The following WDR44 variants were observed in gnomAD, a reference collection of about 807,000 sequenced individuals.
WDR44 encodes WD repeat domain 44, also known as WD repeat-containing protein 44.
A neutral mutation model predicts 65.7 loss-of-function variants in WDR44; 9 were observed. The ratio of observed to expected loss-of-function variants is 0.14; its 90% CI spans 0.08 to 0.24. WDR44 has a LOEUF of 0.24. WDR44 is among the 10% of genes least tolerant of loss of function. The pLI is 1.00. For synonymous variants in WDR44, 220 were observed against 235.2 expected (o/e 0.94, Z 0.59); for missense variants, 425 against 670.9 (o/e 0.63, Z 4.05).
Position 118,449,274 on chromosome X carries a change from AAT to A in WDR44, c.*292_*293del. 6.5e-6 allele frequency: 1 copy of A among 154,328 alleles called. No homozygotes were observed. Among genetic ancestry groups the A allele is most frequent in the Non-Finnish European group, 1.3e-5 (1 of 79,742 alleles). The allele number at this position is 154,328 out of a possible 1,213,427, so 12.7% of individuals were successfully genotyped here. On this transcript the variant is annotated 3_prime_UTR_variant, in exon 20 of 20. Coordinates refer to ENST00000254029, the MANE Select transcript of WDR44 (RefSeq NM_019045.5). The stretch of plus-strand genomic sequence containing the variant: ...ACAAGTTTCTGCATGAAAAGATATT[AAT>A]ATATTAATCACATGTATGTGCCTTT...
intron 5 of WDR44, 83 bp downstream of exon 5, chrX:118,394,268 T>C: frequency 8.7e-7 from 1 of 1,148,086 alleles, no homozygotes; most frequent in East Asian, 3.2e-5. Context: ...TTCTGTATTC[T>C]CCAGGCCAGA....
chrX:118,377,898 T>C (rs185603657), intron 1 of WDR44, among the ~76,000 whole-genome samples: 172 of 109,694 alleles, frequency 1.6e-3, no homozygotes, highest in African/African-American at 5.5e-3. Context: ...TGGATAATTT[T>C]TAAATTATTT....
chrX:118,360,946 G>A (rs188977982), intron 1 of WDR44, among the ~76,000 whole-genome samples: 114 of 111,150 alleles, frequency 1.0e-3, no homozygotes, highest in Middle Eastern at 4.7e-3. Context: ...CTCTTTAGGA[G>A]TCTGTTAGGA....
intron 1 of WDR44, among the ~76,000 whole-genome samples, chrX:118,366,819 C>T (rs1412671746): frequency 1.8e-5 from 2 of 111,792 alleles, no homozygotes; most frequent in Non-Finnish European, 1.9e-5. Context: ...TGGTTTCGGC[C>T]GGGCGCAGTG....
At chrX:118,404,792 C>T (rs1487697796) in intron 9 of WDR44, among the ~76,000 whole-genome samples, 1 of 111,263 alleles carries the variant, frequency 9.0e-6, no homozygotes, top group Non-Finnish European at 1.9e-5. Flanking sequence ...GCTCCACCTC[C>T]CAGGTTCACA....
At chrX:118,438,804 T>TG (rs1173461677) in intron 14 of WDR44, among the ~76,000 whole-genome samples, 1 of 96,566 alleles carries the variant, frequency 1.0e-5, no homozygotes, top group African/African-American at 3.9e-5. Flanking sequence ...CATGTTTTTT[T>TG]TTTTTTTTTT....
In WDR44 at chrX:118,346,393, C is replaced by G; in HGVS notation, c.-111C>G. 1.5e-6 allele frequency: 1 copy of G among 661,782 alleles called. No homozygotes were observed. The highest frequency in any genetic ancestry group is 2.4e-5 in the Admixed American group (1 of 42,168). 54.5% of individuals were successfully genotyped at this position (661,782 alleles called of 1,213,427 possible). On this transcript the variant is annotated 5_prime_UTR_variant, in exon 1 of 20. Transcript: ENST00000254029. The stretch of plus-strand genomic sequence containing the variant: ...CAGATCGTCTGCTCCCTCAGCCTCG[C>G]CCGAGACCCACTTCCCCAGTCTCGC...
At chrX:118,381,578 T>TC (rs1408631513) in intron 2 of WDR44, among the ~76,000 whole-genome samples, 1 of 51,558 alleles carries the variant, frequency 1.9e-5, no homozygotes, top group African/African-American at 1.4e-4. Context: ...TCTTTCTTCT[T>TC]TTTTTTTTTT....
chrX:118,429,943 G>A (rs991709306), intron 12 of WDR44, among the ~76,000 whole-genome samples: 1 of 110,590 alleles, frequency 9.0e-6, no homozygotes, highest in Non-Finnish European at 1.9e-5. Context: ...ACGCCTGGCC[G>A]AATTACTGTT....
intron 12 of WDR44, among the ~76,000 whole-genome samples, 157 bp downstream of exon 12, chrX:118,411,116 A>AT (rs952983359): frequency 2.7e-5 from 3 of 111,364 alleles, no homozygotes; most frequent in Non-Finnish European, 5.7e-5. Flanking sequence ...ATTAGAAGAA[A>AT]TTAGCAAATG....
rs2056347373 is a variant in WDR44, at chrX:118,346,183, G to C, written c.-321G>C. On this transcript the variant is annotated 5_prime_UTR_variant, in exon 1 of 20. Coordinates refer to ENST00000254029, the MANE Select transcript of WDR44 (RefSeq NM_019045.5). ...AGAAACTGGAGCCGCTGTAGCCGGC[G>C]CGCCCTTCTTCCCTTACTGCGAGGA... 2 of 303,592 alleles carry C rather than the reference G, an allele frequency of 6.6e-6. No individual in the cohort carries two copies. Among genetic ancestry groups the C allele is most frequent in the Non-Finnish European group, 1.2e-5 (2 of 173,787 alleles). 25.0% of individuals were successfully genotyped at this position (303,592 alleles called of 1,213,427 possible). A position where few individuals can be genotyped will look rare whatever the true frequency, so the allele number is the denominator to read the frequency against.
intron 13 of WDR44, among the ~76,000 whole-genome samples, chrX:118,436,158 T>C (rs2086162653): frequency 8.9e-6 from 1 of 112,258 alleles, no homozygotes; most frequent in Admixed American, 9.5e-5. Flanking sequence ...TGTGATCTAT[T>C]CTGAAAGATT....
At chrX:118,438,797 GTTT>G (rs1213083479) in intron 14 of WDR44, among the ~76,000 whole-genome samples, 4 of 64,070 alleles carry the variant, frequency 6.2e-5, no homozygotes, top group African/African-American at 1.7e-4. Context: ...GTTCAGCCAT[GTTT>G]TTTTTTTTTT....
rs10570740 is a variant in WDR44 at position 118,447,875 on chromosome X, AATATATATATATATAT to A, written c.2648-994_2648-979del. On this transcript the variant is annotated intron_variant, in intron 19 of 19. Transcript: ENST00000254029. ...TGCAACAGAGTGAGACTCTATCTAA[AATATATATATATATAT>A]ATATATATATATATATATATATACT... Among the ~76,000 whole-genome samples the A allele has an allele frequency of 1.7e-3, 92 of 54,787 alleles. 2 individuals are homozygous for A. Among genetic ancestry groups the A allele is most frequent in the Non-Finnish European group, 2.6e-3 (76 of 29,132 alleles). The allele number at this position is 54,787 out of a possible 115,157, so 47.6% of individuals were successfully genotyped here.
chrX:118,393,993 G>A, intron 4 of WDR44, 62 bp from the exon 5 acceptor site: 1 of 1,048,195 alleles, frequency 9.5e-7, no homozygotes, highest in African/African-American at 2.1e-5. Context: ...TTTCCTCACA[G>A]GGTTGTTACA....
At chrX:118,365,461 C>T (rs1414268285) in intron 1 of WDR44, among the ~76,000 whole-genome samples, 2 of 109,283 alleles carry the variant, frequency 1.8e-5, no homozygotes, top group Admixed American at 9.9e-5. Context: ...GAACCATGAT[C>T]GTGCCACTGC....
intron 12 of WDR44, among the ~76,000 whole-genome samples, chrX:118,424,327 A>ATGTATATATATG (rs2057136406): frequency 1.3e-5 from 1 of 77,968 alleles, no homozygotes; most frequent in Non-Finnish European, 2.1e-5. Context: ...GTGTGTGTAT[A>ATGTATATATATG]TATATATATA....
At chrX:118,440,399 G>A (rs974738993) in intron 14 of WDR44, among the ~76,000 whole-genome samples, 6 of 110,959 alleles carry the variant, frequency 5.4e-5, no homozygotes, top group African/African-American at 2.0e-4. Flanking sequence ...AGGTCAGATT[G>A]CCGCAGGTTG....
In WDR44 at chrX:118,409,599, C is replaced by T; in HGVS notation, c.1644C>T (p.Asn548=). The change falls in exon 11 of 20, where the codon AAC becomes AAT. Residue 548 remains asparagine (N), a synonymous_variant. Coordinates refer to ENST00000254029, the MANE Select transcript of WDR44 (RefSeq NM_019045.5). ...TAAAAAATGCTTTTGACTATTTCAACAATATGCGAATGAAATACAATACTG... is the reference window on the plus strand; with the variant it reads ...TAAAAAATGCTTTTGACTATTTCAATAATATGCGAATGAAATACAATACTG... The part of the protein sequence containing the change: ...WALKNAFDYF[N]NMRMKYNTEG... 1.7e-6 allele frequency: 2 copies of T among 1,201,152 alleles called. No homozygotes were observed. The highest frequency in any genetic ancestry group is 4.5e-5 in the Admixed American group (2 of 44,019).
Sources: gnomAD v4.1 joint callset for allele counts (sites outside exome capture counted in the v4.1 genomes callset) on GRCh38, gnomAD v4.1.1 for gene constraint, MANE v1.5 for transcripts, NCBI Gene and HGNC (gene_info 2026-07-23, HGNC 2026-07-21) for gene names.